Variants in CCDC57 observed in about 807,000 individuals in gnomAD.
The protein encoded by CCDC57 is coiled-coil domain-containing protein 57.
CCDC57 carries 118 observed loss-of-function variants against 118.9 expected under a neutral mutation model. That is an observed-to-expected ratio of 0.99 (90% CI 0.86 to 1.16). The LOEUF is 1.16. Among genes scored for constraint, CCDC57 ranks in the 50% most tolerant of loss-of-function variants. The pLI is 0.00. For missense variants in CCDC57, 1,300 were observed against 1,320.7 expected (o/e 0.98, Z 0.24); for synonymous variants, 527 against 532.9 (o/e 0.99, Z 0.15).
intron 13 of CCDC57, among the ~76,000 whole-genome samples, chr17:82,169,715 T>A (rs1282618279): frequency 6.6e-6 from 1 of 152,116 alleles, no homozygotes; most frequent in African/African-American, 2.4e-5. Flanking sequence ...AAAGTAACTG[T>A]GTTAGTGATA....
At chr17:82,187,294 G>A (rs1291308282) in intron 8 of CCDC57, among the ~76,000 whole-genome samples, 3 of 147,078 alleles carry the variant, frequency 2.0e-5, no homozygotes, top group African/African-American at 5.0e-5. Context: ...AATAAAGGAG[G>A]AAAATGGTTA....
chr17:82,182,358 CT>C (rs1252818782), intron 9 of CCDC57, among the ~76,000 whole-genome samples: 231 of 142,750 alleles, frequency 1.6e-3, no homozygotes, highest in Middle Eastern at 3.6e-3. Flanking sequence ...GGTACTTTTC[CT>C]TTTTTTTTTT....
At position 82,143,710 on chromosome 17, in the gene CCDC57, C is replaced by A. The variant is rs547998939; in HGVS notation, c.2455+7850G>T. ...TTGGTCCTAAAATTTAAAAAACATA[C>A]AGATTCCTGAGCAGGATTCAGGGAA... On this transcript the variant is annotated intron_variant, in intron 16 of 19. Coordinates refer to ENST00000665763, the Ensembl canonical transcript of CCDC57. Among the ~76,000 whole-genome samples, 1,437 of 152,228 alleles carry A rather than the reference C, an allele frequency of 9.4e-3. 19 individuals are homozygous for A. The highest frequency in any genetic ancestry group is 0.013 in the Non-Finnish European group (869 of 67,988).
chr17:82,189,003 A>G (rs1341301584), intron 7 of CCDC57, among the ~76,000 whole-genome samples: 1 of 152,238 alleles, frequency 6.6e-6, no homozygotes, highest in African/African-American at 2.4e-5. Flanking sequence ...ACAGTGGATC[A>G]TGCCTGTAAC....
intron 16 of CCDC57, among the ~76,000 whole-genome samples, chr17:82,150,826 C>T (rs2041873568): frequency 8.4e-6 from 1 of 118,510 alleles, no homozygotes; most frequent in African/African-American, 3.3e-5. Flanking sequence ...CAGGCGCACA[C>T]TCAGAACCTG....
At chr17:82,181,683 A>AT (rs1166329582) in intron 9 of CCDC57, among the ~76,000 whole-genome samples, 39 of 152,274 alleles carry the variant, frequency 2.6e-4, no homozygotes, top group African/African-American at 9.2e-4. Context: ...GCTATTACAA[A>AT]TAAGTTCAGA....
In CCDC57 at chr17:82,184,016, T is replaced by TGCGCGCGCGC. The variant is rs141760654; in HGVS notation, c.1053-94_1053-85dup. On this transcript the variant is annotated intron_variant, in intron 8 of 19. Coordinates refer to ENST00000665763, the Ensembl canonical transcript of CCDC57. ...CACAGCACCCCCCAGCAAATACACA[T>TGCGCGCGCGC]GCGCGCGCGCGCGCGCACACACACA... The TGCGCGCGCGC allele has an allele frequency of 2.7e-3, 839 of 305,748 alleles. 33 individuals carry two copies. The highest frequency in any genetic ancestry group is 3.7e-3 in the Non-Finnish European group (606 of 165,156). 18.9% of individuals were successfully genotyped at this position (305,748 alleles called of 1,614,324 possible). A position where few individuals can be genotyped will look rare whatever the true frequency, so the allele number is the denominator to read the frequency against.
At chr17:82,160,258 T>C (rs1211382562) in intron 14 of CCDC57, 1 of 152,330 alleles carries the variant, frequency 6.6e-6, no homozygotes, top group African/African-American at 2.4e-5. Flanking sequence ...ACAGGAGACA[T>C]GATCAACAGG....
chr17:82,114,143 C>T (rs560657543), intron 19 of CCDC57, among the ~76,000 whole-genome samples: 111 of 152,306 alleles, frequency 7.3e-4, no homozygotes, highest in African/African-American at 2.2e-3. Context: ...GTTCCCTGCG[C>T]GTTTACAGAG....
At chr17:82,151,181 G>C (rs111864419) in intron 16 of CCDC57, among the ~76,000 whole-genome samples, 706 of 26,002 alleles carry the variant, frequency 0.027, no homozygotes, top group Middle Eastern at 0.042. Context: ...AGAACCAGGC[G>C]CACACCCAGA....
chr17:82,189,017 A>C (rs1055779026), intron 7 of CCDC57, among the ~76,000 whole-genome samples: 3 of 152,244 alleles, frequency 2.0e-5, no homozygotes, highest in Non-Finnish European at 4.4e-5. Context: ...CTGTAACCGA[A>C]GCACTTTAGG....
intron 19 of CCDC57, among the ~76,000 whole-genome samples, chr17:82,119,434 C>T (rs967945593): frequency 1.3e-5 from 2 of 151,630 alleles, no homozygotes; most frequent in Non-Finnish European, 2.9e-5. Context: ...CTGTGGGTGC[C>T]CCCCCACCCC....
At position 82,171,873 on chromosome 17, in the gene CCDC57, T is replaced by G. The variant is rs1260561392; in HGVS notation, c.1730-20A>C. On this transcript the variant is annotated intron_variant, in intron 12 of 19. Transcript: ENST00000665763. ...CATAATCTGCCAAAAAAACCTCCAGTGAATATAACACATACACAGCATCCT... is the reference window on the plus strand; with the variant it reads ...CATAATCTGCCAAAAAAACCTCCAGGGAATATAACACATACACAGCATCCT... The G allele has an allele frequency of 3.1e-6, 5 of 1,607,228 alleles. No individual in the cohort carries two copies. Among genetic ancestry groups the G allele is most frequent in the Non-Finnish European group, 4.3e-6 (5 of 1,174,592 alleles).
chr17:82,208,821 T>C (rs550463546), intron 1 of CCDC57, among the ~76,000 whole-genome samples: 1 of 152,292 alleles, frequency 6.6e-6, no homozygotes, highest in African/African-American at 2.4e-5. Flanking sequence ...GTGGCCCCTC[T>C]TGGATTCCAG....
chr17:82,204,932 G>A (rs1014857274), intron 2 of CCDC57, among the ~76,000 whole-genome samples: 3 of 152,354 alleles, frequency 2.0e-5, no homozygotes, highest in Non-Finnish European at 4.4e-5. Flanking sequence ...CGCAGGGCAG[G>A]CTCCTCCTGC....
chr17:82,201,359 CAT>C (rs1227429553), intron 3 of CCDC57, among the ~76,000 whole-genome samples, 177 bp downstream of exon 2: 5 of 152,250 alleles, frequency 3.3e-5, no homozygotes, highest in Non-Finnish European at 5.9e-5. Flanking sequence ...TCAACAAACA[CAT>C]GTTCAGAGGC....
At chr17:82,119,098 G>GGGGGTGGGGGTGGGAGTGGGGGCA (rs1245397185) in intron 19 of CCDC57, among the ~76,000 whole-genome samples, 1 of 65,844 alleles carries the variant, frequency 1.5e-5, no homozygotes, top group African/African-American at 6.9e-5. Context: ...AGGTGGGGGC[G>GGGGGTGGGGGTGGGAGTGGGGGCA]GGGGTGGGGG....
chr17:82,185,143 A>T (rs1196283922), intron 8 of CCDC57: 1 of 152,456 alleles, frequency 6.6e-6, no homozygotes, highest in Non-Finnish European at 1.5e-5. Context: ...CCCTCACTGC[A>T]GGGACAGAGG....
intron 8 of CCDC57, among the ~76,000 whole-genome samples, chr17:82,184,430 AC>A (rs1405423374): frequency 6.6e-6 from 1 of 152,126 alleles, no homozygotes; most frequent in African/African-American, 2.4e-5. Flanking sequence ...CCACTAAATA[AC>A]CTTAACAGCA....
Sources: allele counts gnomAD v4.1 joint callset (sites outside exome capture counted in the v4.1 genomes callset), GRCh38; gene constraint gnomAD v4.1.1; transcripts MANE v1.5; gene names NCBI Gene and HGNC (gene_info 2026-07-23, HGNC 2026-07-21).